PIAS2: variants seen among roughly 807,000 people sequenced by gnomAD.
PIAS2 encodes E3 SUMO-protein ligase PIAS2.
PIAS2 carries 19 observed loss-of-function variants against 69.7 expected under a neutral mutation model. That is an observed-to-expected ratio of 0.27 (90% CI 0.19 to 0.40). The LOEUF (loss-of-function observed/expected upper bound fraction) is 0.40, where lower values mean the gene tolerates loss of function less well. Among genes scored for constraint, PIAS2 ranks in the 10% least tolerant of loss-of-function variants. PIAS2 has a pLI of 1.00. For synonymous variants in PIAS2, 261 were observed against 263.2 expected, an observed-to-expected ratio of 0.99 and a Z score of 0.08; for missense variants, 624 against 757.0, an observed-to-expected ratio of 0.82 and a Z score of 2.06.
At chr18:46,880,089 T>TAAAA (rs58230183) in intron 2 of PIAS2, among the ~76,000 whole-genome samples, 1 of 110,394 alleles carries the variant, frequency 9.1e-6, no homozygotes, top group African/African-American at 3.4e-5. Flanking sequence ...TTTACCACAG[T>TAAAA]AAAAAAAAAA....
rs148447528 is a variant in PIAS2 at position 46,819,135 on chromosome 18, T to C, written c.1648+1798A>G. Among the ~76,000 whole-genome samples, 11 of 152,214 alleles carry C rather than the reference T, an allele frequency of 7.2e-5. No individual in the cohort carries two copies. In the East Asian group the frequency reaches 2.1e-3, roughly 29 times the overall value. On this transcript the variant is annotated intron_variant, in intron 12 of 13. Coordinates refer to ENST00000585916, the MANE Select transcript of PIAS2 (RefSeq NM_004671.5). Reference sequence around the variant, plus strand: ...ATGAACAGAAATGCTCATTACCTTTTTTCAGGATTAATTTTTAATTCAAGG... The same window carrying C: ...ATGAACAGAAATGCTCATTACCTTTCTTCAGGATTAATTTTTAATTCAAGG...
chr18:46,868,193 T>C (rs1236386986), intron 2 of PIAS2, among the ~76,000 whole-genome samples: 1 of 152,344 alleles, frequency 6.6e-6, no homozygotes, highest in African/African-American at 2.4e-5. Context: ...TCCATGAGCA[T>C]GTCAGACACA....
At chr18:46,817,355 C>A in intron 12 of PIAS2, 8 of 970,190 alleles carry the variant, frequency 8.2e-6, no homozygotes, top group South Asian at 9.6e-5. Flanking sequence ...AATTAAAATA[C>A]GCAAGCTTGA....
At chr18:46,825,254 T>C (rs1420751519) in intron 11 of PIAS2, among the ~76,000 whole-genome samples, 1 of 152,066 alleles carries the variant, frequency 6.6e-6, no homozygotes, top group Non-Finnish European at 1.5e-5. Flanking sequence ...ATCACAGAGA[T>C]GATATAACTA....
intron 3 of PIAS2, among the ~76,000 whole-genome samples, chr18:46,855,997 GTTTTTTTTTTTT>G (rs1171297653): frequency 1.3e-4 from 9 of 67,964 alleles, no homozygotes; most frequent in Admixed American, 4.2e-4. Flanking sequence ...TTTTTCTTTT[GTTTTTTTTTTTT>G]TTTTTTTTTT....
intron 3 of PIAS2, among the ~76,000 whole-genome samples, chr18:46,862,654 T>TACACATATATATAC (rs1212975523): frequency 7.9e-5 from 12 of 152,194 alleles, no homozygotes; most frequent in African/African-American, 2.6e-4. Context: ...TACACATATA[T>TACACATATATATAC]ACACATATAT....
In PIAS2 at chr18:46,844,822, T is replaced by C. The variant is rs534190799; in HGVS notation, c.879A>G (p.Val293=). ...CTGATGTAAGCTGCCGTACAAGATATACAGACATAGAGTAATTCTACAAAC... is the reference window on the plus strand; with the variant it reads ...CTGATGTAAGCTGCCGTACAAGATACACAGACATAGAGTAATTCTACAAAC... ...SEIGKNYSMS[V]YLVRQLTSAM... is the part of the protein sequence containing the mutation. The change falls in exon 7 of 14, where the codon GTA becomes GTG. Residue 293 remains valine (V), a synonymous_variant. Transcript: ENST00000585916. The C allele has an allele frequency of 1.4e-6, 2 of 1,444,742 alleles. No individual in the cohort carries two copies. Among genetic ancestry groups the C allele is most frequent in the Non-Finnish European group, 1.8e-6 (2 of 1,086,972 alleles). The allele number at this position is 1,444,742 out of a possible 1,614,324, so 89.5% of individuals were successfully genotyped here.
At chr18:46,834,142 T>G (rs2044087769) in intron 9 of PIAS2, among the ~76,000 whole-genome samples, 1 of 152,166 alleles carries the variant, frequency 6.6e-6, no homozygotes, top group Non-Finnish European at 1.5e-5. Flanking sequence ...AAGCAATGTA[T>G]GACGGAACAA....
chr18:46,890,660 G>A lies in PIAS2; in HGVS notation c.419C>T (p.Pro140Leu). Residue 140 changes from proline to leucine, a missense_variant, in exon 2 of 14, where the codon CCT (proline) becomes CTT (leucine). Coordinates refer to ENST00000585916, the MANE Select transcript of PIAS2 (RefSeq NM_004671.5). The part of the protein sequence containing the change: ...FEMQQPSPPI[P>L]PVHPDVQLKN... The stretch of plus-strand genomic sequence containing the variant: ...TAACTGCACATCAGGATGGACAGGA[G>A]GAATTGGGGGAGATGGCTGCTGCAT... The A allele has an allele frequency of 6.2e-7, 1 of 1,614,162 alleles. No individual in the cohort carries two copies. Among genetic ancestry groups the A allele is most frequent in the Non-Finnish European group, 8.5e-7 (1 of 1,180,032 alleles).
At chr18:46,854,407 G>A (rs1412639464) in intron 5 of PIAS2, among the ~76,000 whole-genome samples, 1 of 152,182 alleles carries the variant, frequency 6.6e-6, no homozygotes, top group Admixed American at 6.5e-5. Flanking sequence ...TGCTCTCTTA[G>A]TGATTCAGTT....
At chr18:46,845,144 G>A (rs976651967) in intron 6 of PIAS2, among the ~76,000 whole-genome samples, 2 of 152,116 alleles carry the variant, frequency 1.3e-5, no homozygotes, top group Admixed American at 1.3e-4. Context: ...TACCTTAGGG[G>A]CCACCCTGAA....
chr18:46,880,830 C>A (rs1243356090), intron 2 of PIAS2, among the ~76,000 whole-genome samples: 1 of 152,164 alleles, frequency 6.6e-6, no homozygotes, highest in Non-Finnish European at 1.5e-5. Context: ...CAGGCACACA[C>A]AATGCTTTCA....
At chr18:46,862,048 T>C (rs1480529491) in intron 3 of PIAS2, among the ~76,000 whole-genome samples, 1 of 152,102 alleles carries the variant, frequency 6.6e-6, no homozygotes, top group African/African-American at 2.4e-5. Context: ...ATAAAGTTTT[T>C]ATGCCGGGCA....
intron 1 of PIAS2, among the ~76,000 whole-genome samples, chr18:46,914,285 C>T (rs1348351919): frequency 1.3e-5 from 2 of 152,134 alleles, no homozygotes; most frequent in Non-Finnish European, 2.9e-5. Flanking sequence ...ATCTGCTGAT[C>T]AGGTTTGTGT....
chr18:46,882,454 C>T (rs1289446050), intron 2 of PIAS2, among the ~76,000 whole-genome samples: 1 of 152,068 alleles, frequency 6.6e-6, no homozygotes, highest in Admixed American at 6.6e-5. Flanking sequence ...AAGCTACTGT[C>T]GAATTTCCCT....
intron 2 of PIAS2, among the ~76,000 whole-genome samples, chr18:46,886,113 G>C (rs1421372280): frequency 2.0e-5 from 3 of 152,100 alleles, no homozygotes. Context: ...TCTTCACTTA[G>C]TCCCCCCCAG....
At chr18:46,842,303 G>C (rs1229383931) in intron 8 of PIAS2, among the ~76,000 whole-genome samples, 1 of 142,246 alleles carries the variant, frequency 7.0e-6, no homozygotes, top group Non-Finnish European at 1.5e-5. Flanking sequence ...AATTTAAAAA[G>C]CCTGAGAATC....
chr18:46,911,079 G>T (rs1048936130), intron 1 of PIAS2, among the ~76,000 whole-genome samples: 2 of 152,072 alleles, frequency 1.3e-5, no homozygotes, highest in African/African-American at 4.8e-5. Context: ...TCCCAAATTA[G>T]AAAAGGCAGG....
intron 11 of PIAS2, among the ~76,000 whole-genome samples, chr18:46,823,155 T>C (rs959959809): frequency 2.0e-5 from 3 of 150,412 alleles, no homozygotes; most frequent in African/African-American, 7.3e-5. Context: ...ACTGCTTGAG[T>C]CCAGGAGGTA....
Sources: gnomAD v4.1 joint callset for allele counts (sites outside exome capture counted in the v4.1 genomes callset) on GRCh38, gnomAD v4.1.1 for gene constraint, MANE v1.5 for transcripts, NCBI Gene and HGNC (gene_info 2026-07-23, HGNC 2026-07-21) for gene names.